The following DYRK1A variants were observed in gnomAD, a reference collection of about 807,000 sequenced individuals.
DYRK1A encodes the protein dual specificity tyrosine-phosphorylation-regulated kinase 1A.
DYRK1A carries 9 observed loss-of-function variants against 79.7 expected under a neutral mutation model. The ratio of observed to expected loss-of-function variants is 0.11; its 90% CI spans 0.07 to 0.20. DYRK1A has a LOEUF of 0.20. Among genes scored for constraint, DYRK1A ranks in the 10% least tolerant of loss-of-function variants. The pLI, the probability that DYRK1A is intolerant of heterozygous loss-of-function variation, is 1.00. For missense variants in DYRK1A, 622 were observed against 956.0 expected (o/e 0.65, Z 4.61); for synonymous variants, 349 against 329.7 (o/e 1.06, Z -0.63).
chr21:37,403,634 T>TAAA (rs11349987), intron 1 of DYRK1A, among the ~76,000 whole-genome samples: 159 of 119,636 alleles, frequency 1.3e-3, no homozygotes, highest in Non-Finnish European at 2.3e-3. Flanking sequence ...CTCAGCTAAT[T>TAAA]AAAAAAAAAA....
In DYRK1A at chr21:37,420,323, T is replaced by C; in HGVS notation, c.-52T>C. 1 of 1,590,530 alleles carries C rather than the reference T, an allele frequency of 6.3e-7. No homozygotes were observed. The highest frequency in any genetic ancestry group is 8.6e-7 in the Non-Finnish European group (1 of 1,160,378). Reference sequence around the variant, plus strand: ...GTGTTATAGTTTTGCCGCTGGACTCTTCCCTCCCTTCCCCCACCCCATCAG... The same window carrying C: ...GTGTTATAGTTTTGCCGCTGGACTCCTCCCTCCCTTCCCCCACCCCATCAG... On this transcript the variant is annotated 5_prime_UTR_variant, in exon 2 of 12. Transcript: ENST00000647188.
intron 1 of DYRK1A, among the ~76,000 whole-genome samples, chr21:37,369,575 G>C (rs1381267002): frequency 6.6e-6 from 1 of 152,226 alleles, no homozygotes; most frequent in Non-Finnish European, 1.5e-5. Flanking sequence ...CTCTTGTTAA[G>C]ACTAGTAAAA....
chr21:37,388,393 T>C (rs1439756909), intron 1 of DYRK1A, among the ~76,000 whole-genome samples: 1 of 152,106 alleles, frequency 6.6e-6, no homozygotes, highest in African/African-American at 2.4e-5. Flanking sequence ...CTGCCTCTTT[T>C]GCATTTGTAA....
chr21:37,495,233 G>T (rs570979312), intron 8 of DYRK1A, among the ~76,000 whole-genome samples: 1 of 148,834 alleles, frequency 6.7e-6, no homozygotes, highest in East Asian at 2.0e-4. Flanking sequence ...AACTGGGTTG[G>T]GTGCCGTACC....
intron 1 of DYRK1A, among the ~76,000 whole-genome samples, chr21:37,393,267 ACT>A (rs1475993850): frequency 6.6e-6 from 1 of 152,190 alleles, no homozygotes; most frequent in Non-Finnish European, 1.5e-5. Context: ...AGGTAGCAGT[ACT>A]CTCTGTTACT....
At chr21:37,486,782 A>G (rs930025195) in intron 6 of DYRK1A, 168 bp downstream of exon 6, 4 of 562,008 alleles carry the variant, frequency 7.1e-6, no homozygotes, top group African/African-American at 5.9e-5. Context: ...TCTGGTAGTA[A>G]TAGTCTAAAT....
chr21:37,500,291 G>T (rs79357071), intron 9 of DYRK1A, among the ~76,000 whole-genome samples: 260 of 151,994 alleles, frequency 1.7e-3, no homozygotes, highest in African/African-American at 5.7e-3. Context: ...TTAATTTTTT[G>T]AATGTTAAGC....
At chr21:37,504,990 A>G in intron 9 of DYRK1A, 1 of 293,686 alleles carries the variant, frequency 3.4e-6, no homozygotes, top group Admixed American at 4.8e-5. Context: ...TTGAAAACAG[A>G]AAAACCATTT....
intron 2 of DYRK1A, among the ~76,000 whole-genome samples, chr21:37,457,085 G>A (rs866877675): frequency 2.4e-4 from 33 of 135,598 alleles, no homozygotes; most frequent in African/African-American, 8.9e-4. Flanking sequence ...TATTTATTTA[G>A]TAGAGACAGA....
At chr21:37,413,109 G>A (rs1357822241) in intron 1 of DYRK1A, among the ~76,000 whole-genome samples, 1 of 152,162 alleles carries the variant, frequency 6.6e-6, no homozygotes, top group Non-Finnish European at 1.5e-5. Context: ...AATTTTTAAG[G>A]GGGTAGCATT....
Position 37,513,984 on chromosome 21 carries a change from C to T in DYRK1A, c.*1453C>T, listed in dbSNP as rs2053832272. On this transcript the variant is annotated 3_prime_UTR_variant, in exon 12 of 12. Coordinates refer to ENST00000647188, the MANE Select transcript of DYRK1A (RefSeq NM_001347721.2). ...ACTGTTGTTGAATCCATAGCCAATA[C>T]ATTTACAGCAATCTGTGTACTGAAC... 6.6e-6 allele frequency: 1 copy of T among 152,616 alleles called. No homozygotes were observed. The highest frequency in any genetic ancestry group is 2.4e-5 in the African/African-American group (1 of 41,440). 9.5% of individuals were successfully genotyped at this position (152,616 alleles called of 1,614,324 possible). A position where few individuals can be genotyped will look rare whatever the true frequency, so the allele number is the denominator to read the frequency against.
Position 37,520,315 on chromosome 21 carries a change from C to G in DYRK1A, c.*7784C>G, listed in dbSNP as rs2053925788. ...AAGAGATGAGGGTGACAGAAATCAG[C>G]TCTTAAGTTTATAAATAAAACAGGG... On this transcript the variant is annotated 3_prime_UTR_variant, in exon 12 of 12. Transcript: ENST00000647188. 2.0e-5 allele frequency: 3 copies of G among 152,140 alleles called. No individual in the cohort carries two copies. Among genetic ancestry groups the G allele is most frequent in the South Asian group, 4.1e-4 (2 of 4,824 alleles). 9.4% of individuals were successfully genotyped at this position (152,140 alleles called of 1,614,324 possible).
At chr21:37,366,280 G>T (rs1333147023), upstream of DYRK1A, 1 of 145,054 alleles carries the variant, frequency 6.9e-6, no homozygotes, top group African/African-American at 2.5e-5. Context: ...CCCCGCCCGG[G>T]GCAGCCCGCC....
rs540593578 is a variant in DYRK1A at position 37,446,662 on chromosome 21, G to A, written c.11-26022G>A. ...TGTTACCTCACGTGAACCTCACAGA[G>A]ATGTCAGAGTGGCTTATCATCCCAA... On this transcript the variant is annotated intron_variant, in intron 2 of 11. Coordinates refer to ENST00000647188, the MANE Select transcript of DYRK1A (RefSeq NM_001347721.2). 6.7e-4 allele frequency among the ~76,000 whole-genome samples: 102 copies of A among 151,940 alleles called. 1 individual carries two copies. Among genetic ancestry groups the A allele is most frequent in the African/African-American group, 2.4e-3 (99 of 41,394 alleles).
At chr21:37,455,320 A>G (rs1027706992) in intron 2 of DYRK1A, among the ~76,000 whole-genome samples, 1 of 151,740 alleles carries the variant, frequency 6.6e-6, no homozygotes, top group Non-Finnish European at 1.5e-5. Flanking sequence ...CTTTCCTTTT[A>G]TTTTGTACCC....
At chr21:37,437,458 A>C (rs1017942111) in intron 2 of DYRK1A, among the ~76,000 whole-genome samples, 1 of 152,186 alleles carries the variant, frequency 6.6e-6, no homozygotes, top group Non-Finnish European at 1.5e-5. Context: ...AAAGTTTTTA[A>C]AACAGCTTTA....
chr21:37,384,748 T>C (rs978584759), intron 1 of DYRK1A, among the ~76,000 whole-genome samples: 5 of 152,186 alleles, frequency 3.3e-5, no homozygotes, highest in African/African-American at 9.7e-5. Flanking sequence ...AAAACAGTTA[T>C]TGTATTTCAT....
chr21:37,509,207 A>T (rs995224001), intron 11 of DYRK1A, among the ~76,000 whole-genome samples: 2 of 152,218 alleles, frequency 1.3e-5, no homozygotes, highest in African/African-American at 2.4e-5. Context: ...GAGATATTTT[A>T]TACATATTCA....
At chr21:37,402,134 C>A (rs2050065101) in intron 1 of DYRK1A, among the ~76,000 whole-genome samples, 1 of 152,096 alleles carries the variant, frequency 6.6e-6, no homozygotes, top group Admixed American at 6.6e-5. Context: ...TTGCTTTAAG[C>A]TGTATTTTAA....
Sources: gnomAD v4.1 joint callset for allele counts (sites outside exome capture counted in the v4.1 genomes callset) on GRCh38, gnomAD v4.1.1 for gene constraint, MANE v1.5 for transcripts, NCBI Gene and HGNC (gene_info 2026-07-23, HGNC 2026-07-21) for gene names.